The following ANKRD12 variants were observed in gnomAD, a reference collection of about 807,000 sequenced individuals.
ANKRD12 encodes the protein ankyrin repeat domain 12, also known as ankyrin repeat domain-containing protein 12.
A neutral mutation model predicts 183.4 loss-of-function variants in ANKRD12; 85 were observed. The ratio of observed to expected loss-of-function variants is 0.46; its 90% CI spans 0.39 to 0.56. The LOEUF (loss-of-function observed/expected upper bound fraction) is 0.56. ANKRD12 is among the 20% of genes least tolerant of loss of function. ANKRD12 has a pLI of 0.00. For synonymous variants in ANKRD12, 914 were observed against 800.2 expected, an observed-to-expected ratio of 1.14 and a Z score of -2.40; for missense variants, 2,405 against 2,357.1, an observed-to-expected ratio of 1.02 and a Z score of -0.42.
intron 1 of ANKRD12, among the ~76,000 whole-genome samples, chr18:9,159,597 A>AC (rs1322063620): frequency 7.8e-4 from 44 of 56,370 alleles, no homozygotes; most frequent in Non-Finnish European, 1.7e-3. Flanking sequence ...ACGCCTGGCT[A>AC]AATTTTTTTT....
chr18:9,261,424 A>G (rs939042526), intron 9 of ANKRD12, among the ~76,000 whole-genome samples: 1 of 152,176 alleles, frequency 6.6e-6, no homozygotes, highest in Admixed American at 6.5e-5. Flanking sequence ...GTGTTTTCCA[A>G]ACTTGTTCTT....
intron 2 of ANKRD12, among the ~76,000 whole-genome samples, chr18:9,184,471 C>T (rs1406832329): frequency 6.6e-6 from 1 of 152,048 alleles, no homozygotes; most frequent in Non-Finnish European, 1.5e-5. Flanking sequence ...CAGCTCACTG[C>T]AGCCTTGACC....
chr18:9,235,949 A>AT, intron 8 of ANKRD12: 2 of 193,976 alleles, frequency 1.0e-5, no homozygotes, highest in Non-Finnish European at 2.2e-5. Context: ...ATATTGAGGG[A>AT]CTTTTTTTTT....
chr18:9,138,448 G>A (rs1299571427), intron 1 of ANKRD12, among the ~76,000 whole-genome samples: 2 of 152,220 alleles, frequency 1.3e-5, no homozygotes, highest in African/African-American at 4.8e-5. Flanking sequence ...GGGCGGCAGA[G>A]GTTGCAGTGA....
rs1356023858 is a variant in ANKRD12, at chr18:9,281,676, GTAAT to G, written c.*555_*558del. The G allele has an allele frequency of 6.6e-6, 1 of 152,544 alleles. No homozygotes were observed. Among genetic ancestry groups the G allele is most frequent in the African/African-American group, 2.4e-5 (1 of 41,412 alleles). The allele number at this position is 152,544 out of a possible 1,614,324, so 9.4% of individuals were successfully genotyped here. A position where few individuals can be genotyped will look rare whatever the true frequency, so the allele number is the denominator to read the frequency against. On this transcript the variant is annotated 3_prime_UTR_variant, in exon 13 of 13. Transcript: ENST00000262126. Reference sequence around the variant, plus strand: ...TACATATTGTGCAGATGTAAATCTTGTAATTAATGGTCAAACTGTATAAAGGGAT... The same window carrying G: ...TACATATTGTGCAGATGTAAATCTTGTAATGGTCAAACTGTATAAAGGGAT...
intron 8 of ANKRD12, among the ~76,000 whole-genome samples, chr18:9,251,190 T>C (rs369529655): frequency 1.6e-4 from 24 of 152,310 alleles, no homozygotes; most frequent in African/African-American, 5.5e-4. Context: ...AACACCTCTC[T>C]GCCTATTATT....
chr18:9,256,907 G>A lies in ANKRD12; in HGVS notation c.3640G>A (p.Asp1214Asn). ...CATGATTTCTGTTGCTAGTTCAGAA[G>A]ATTCCTGCCATACTACAGTGACAAC... ...VSMISVASSE[D>N]SCHTTVTTPR... Residue 1214 changes from aspartate to asparagine, a missense_variant, in exon 9 of 13, where the codon GAT (aspartate) becomes AAT (asparagine). Physicochemically the swap from Asp to Asn is conservative, Grantham distance 23. Coordinates refer to ENST00000262126, the MANE Select transcript of ANKRD12 (RefSeq NM_015208.5). 2 of 1,613,968 alleles carry A rather than the reference G, an allele frequency of 1.2e-6. No homozygotes were observed. The highest frequency in any genetic ancestry group is 1.7e-6 in the Non-Finnish European group (2 of 1,179,940).
intron 8 of ANKRD12, chr18:9,239,575 T>A: frequency 8.1e-7 from 1 of 1,239,344 alleles, no homozygotes; most frequent in Non-Finnish European, 1.1e-6. Context: ...CATATAAAGA[T>A]TTTGGAGTTG....
intron 8 of ANKRD12, among the ~76,000 whole-genome samples, chr18:9,232,390 A>G (rs1365202744): frequency 1.3e-5 from 2 of 152,046 alleles, no homozygotes; most frequent in Non-Finnish European, 2.9e-5. Context: ...ATTTTGTTGG[A>G]TGTAGTATCT....
rs941692458 is a variant in ANKRD12, at chr18:9,218,107, G to A, written c.795+1207G>A. On this transcript the variant is annotated intron_variant, in intron 7 of 12. Transcript: ENST00000262126. ...GAATGAATGATTTTCCTTTGAATAT[G>A]ATAATAAAGGTTTCCCGATTTCTAA... Among the ~76,000 whole-genome samples the A allele has an allele frequency of 5.9e-5, 9 of 152,176 alleles. No homozygotes were observed. In the South Asian group the frequency reaches 6.2e-4, roughly 10 times the overall value.
At chr18:9,166,714 T>G (rs936398400) in intron 1 of ANKRD12, among the ~76,000 whole-genome samples, 4 of 151,976 alleles carry the variant, frequency 2.6e-5, no homozygotes, top group Admixed American at 2.6e-4. Flanking sequence ...AGAAGCTCTT[T>G]AGTTTAATTA....
At chr18:9,139,160 C>G in intron 1 of ANKRD12, among the ~76,000 whole-genome samples, 1 of 151,958 alleles carries the variant, frequency 6.6e-6, no homozygotes, top group East Asian at 1.9e-4. Flanking sequence ...GTGAAGAGAA[C>G]AAAAATATTC....
intron 12 of ANKRD12, 34 bp downstream of exon 12, chr18:9,279,678 C>A: frequency 8.5e-7 from 1 of 1,174,780 alleles, no homozygotes; most frequent in South Asian, 1.4e-5. Flanking sequence ...TAAATGAATG[C>A]TTCCCCCTTC....
chr18:9,165,320 G>A (rs879056080), intron 1 of ANKRD12, among the ~76,000 whole-genome samples: 3 of 151,736 alleles, frequency 2.0e-5, no homozygotes, highest in South Asian at 2.1e-4. Flanking sequence ...TTTTTTTGGC[G>A]GGGGGCAATG....
chr18:9,157,585 G>GTGTGTGTGTGTGTGTGTATATATA (rs1472659778), intron 1 of ANKRD12, among the ~76,000 whole-genome samples: 1 of 92,706 alleles, frequency 1.1e-5, no homozygotes, highest in African/African-American at 5.3e-5. Flanking sequence ...GTGTGTGTGT[G>GTGTGTGTGTGTGTGTGTATATATA]TATATATATA....
chr18:9,270,264 T>C (rs1296704422), intron 10 of ANKRD12, among the ~76,000 whole-genome samples: 2 of 152,214 alleles, frequency 1.3e-5, no homozygotes, highest in Non-Finnish European at 2.9e-5. Flanking sequence ...CATTACTGGG[T>C]ATATACCGAA....
At chr18:9,185,639 G>T (rs908918745) in intron 2 of ANKRD12, among the ~76,000 whole-genome samples, 2 of 152,170 alleles carry the variant, frequency 1.3e-5, no homozygotes, top group Non-Finnish European at 2.9e-5. Flanking sequence ...TATGTAGAAA[G>T]TATGGAGAAG....
chr18:9,256,126 A>G lies in ANKRD12; in HGVS notation c.2859A>G (p.Glu953=), dbSNP rs756837702. ...AATCAGAAAAAGGCAAAAATAAAGA[A>G]AAAGACAGGGAGCTAGATAAAAAGG... is the stretch of plus-strand genomic sequence containing the variant. ...YSKSEKGKNK[E]KDRELDKKEK... Residue 953 remains glutamate, a synonymous_variant, in exon 9 of 13, where the codon GAA becomes GAG. Transcript: ENST00000262126. 2.6e-6 allele frequency: 4 copies of G among 1,560,152 alleles called. No homozygotes were observed. Among genetic ancestry groups the G allele is most frequent in the Admixed American group, 2.3e-5 (1 of 44,214 alleles).
At chr18:9,196,120 C>T (rs2034775726) in intron 3 of ANKRD12, among the ~76,000 whole-genome samples, 2 of 38,614 alleles carry the variant, frequency 5.2e-5, no homozygotes, top group South Asian at 2.1e-3. Flanking sequence ...CACACACACA[C>T]ACACACACAC....
Sources: gnomAD v4.1 joint callset for allele counts (sites outside exome capture counted in the v4.1 genomes callset) on GRCh38, gnomAD v4.1.1 for gene constraint, MANE v1.5 for transcripts, NCBI Gene and HGNC (gene_info 2026-07-23, HGNC 2026-07-21) for gene names.